Variants in NOCT observed in about 807,000 individuals in gnomAD.
NOCT encodes nocturnin, also known as CCR4 carbon catabolite repression 4-like.
Under a neutral mutation model 35.0 loss-of-function variants are expected in NOCT, and 18 were observed. That is an observed-to-expected ratio of 0.51 (90% CI 0.36 to 0.76). The LOEUF (loss-of-function observed/expected upper bound fraction) is 0.76. Among genes scored for constraint, NOCT ranks in the 30% least tolerant of loss-of-function variants. The pLI is 0.01. For missense variants in NOCT, 479 were observed against 541.0 expected, an observed-to-expected ratio of 0.89 and a Z score of 1.14; for synonymous variants, 235 against 226.3, an observed-to-expected ratio of 1.04 and a Z score of -0.34.
Position 139,045,443 on chromosome 4 carries a change from G to C in NOCT, c.1265G>C (p.Ser422Thr). 6.3e-7 allele frequency: 1 copy of C among 1,599,748 alleles called. No homozygotes were observed. The highest frequency in any genetic ancestry group is 8.5e-7 in the Non-Finnish European group (1 of 1,170,808). ...CACCTGTCTCTAGTGTGTGACTTCA[G>C]CTTTACTGAGGAATCTGATGGACTT... ...SDHLSLVCDF[S>T]FTEESDGLS The change falls in exon 3 of 3, where the codon AGC becomes ACC. Residue 422 changes from serine to threonine, a missense_variant. Physicochemically the swap from Ser to Thr is moderately conservative, Grantham distance 58. Around this residue, in one of 2 missense-constraint regions of NOCT, gnomAD observed 214 missense variants for 284.0 expected, o/e 0.75. Transcript: ENST00000280614.
At position 139,043,197 on chromosome 4, in the gene NOCT, T is replaced by C. The variant is rs1726868754; in HGVS notation, c.314T>C (p.Ile105Thr). 3.1e-6 allele frequency: 5 copies of C among 1,614,022 alleles called. No homozygotes were observed. The highest frequency in any genetic ancestry group is 2.7e-5 in the African/African-American group (2 of 74,908). Reference protein sequence around the residue: ...VSPDPEHLEPIDPKELLEECR... With the variant: ...VSPDPEHLEPTDPKELLEECR... ...CCTGACCCAGAGCATCTGGAGCCCA[T>C]TGATCCTAAAGAGCTTCTTGAGGAA... Residue 105 changes from isoleucine to threonine, a missense_variant, in exon 2 of 3, where the codon ATT becomes ACT. Physicochemically the swap from Ile to Thr is moderately conservative, Grantham distance 89. Transcript: ENST00000280614.
Position 139,045,111 on chromosome 4 carries a change from C to T in NOCT, c.933C>T (p.Ile311=), listed in dbSNP as rs1171954099. The change falls in exon 3 of 3, where the codon ATC becomes ATT. Residue 311 remains isoleucine, a synonymous_variant. Transcript: ENST00000280614. ...GCDLLQNLQN[I]TQGAKIPLIV... is the part of the protein sequence containing the mutation. ...ACCTCCTTCAGAACCTGCAAAACAT[C>T]ACCCAAGGAGCCAAGATTCCCCTTA... 6.2e-7 allele frequency: 1 copy of T among 1,614,178 alleles called. No individual in the cohort carries two copies.
At chr4:139,035,042 C>T (rs1659236651) in intron 1 of NOCT, among the ~76,000 whole-genome samples, 1 of 152,128 alleles carries the variant, frequency 6.6e-6, no homozygotes, top group Admixed American at 6.6e-5. Flanking sequence ...TTGTTGAACT[C>T]CTATTTTCTG....
chr4:139,021,302 C>T (rs925036261), intron 1 of NOCT, among the ~76,000 whole-genome samples: 2 of 151,906 alleles, frequency 1.3e-5, no homozygotes, highest in Non-Finnish European at 2.9e-5. Flanking sequence ...CACGCCCCGC[C>T]AAAAGCAGCT....
At chr4:139,037,028 T>C (rs529760458) in intron 1 of NOCT, among the ~76,000 whole-genome samples, 2 of 152,298 alleles carry the variant, frequency 1.3e-5, no homozygotes, top group East Asian at 3.9e-4. Flanking sequence ...TCATGCTCAT[T>C]ATGCAACAGA....
chr4:139,044,178 A>G (rs1726893025), intron 2 of NOCT, among the ~76,000 whole-genome samples: 1 of 151,508 alleles, frequency 6.6e-6, no homozygotes. Context: ...TGACTTACCA[A>G]TCTTTGATTC....
At chr4:139,034,465 T>C (rs1488838536) in intron 1 of NOCT, among the ~76,000 whole-genome samples, 1 of 152,144 alleles carries the variant, frequency 6.6e-6, no homozygotes, top group African/African-American at 2.4e-5. Flanking sequence ...CCTAGGTGGT[T>C]CTTAGTAAGC....
At chr4:139,036,023 A>G (rs1726730651) in intron 1 of NOCT, among the ~76,000 whole-genome samples, 2 of 152,114 alleles carry the variant, frequency 1.3e-5, no homozygotes, top group Admixed American at 1.3e-4. Flanking sequence ...CTCCCTGCCC[A>G]CAAGCATTCC....
chr4:139,039,539 TTTTGGGTC>T (rs1227320748), intron 1 of NOCT, among the ~76,000 whole-genome samples: 3 of 152,168 alleles, frequency 2.0e-5, no homozygotes, highest in Non-Finnish European at 4.4e-5. Flanking sequence ...ATTACTCATA[TTTTGGGTC>T]TTTGCTCATT....
chr4:139,016,476 G>A (rs1726305753), intron 1 of NOCT, among the ~76,000 whole-genome samples: 1 of 151,784 alleles, frequency 6.6e-6, no homozygotes, highest in Non-Finnish European at 1.5e-5. Context: ...CCCTTCCGAG[G>A]CCGCGAGTTA....
chr4:139,044,852 T>C lies in NOCT; in HGVS notation c.674T>C (p.Leu225Pro). The change falls in exon 3 of 3, where the codon CTA becomes CCA. Residue 225 changes from leucine (L) to proline (P), a missense_variant. By Grantham distance (98) the Leu-to-Pro change is moderately conservative (BLOSUM62 -3). This residue lies in a region of NOCT where 214 missense variants were observed against 284.0 expected (regional missense o/e 0.75). Transcript: ENST00000280614. Reference sequence around the variant, plus strand: ...TTCCCCAAACCCTGGTCACCTTGTCTAGATGTAGAACACAACAATGGACCA... The same window carrying C: ...TTCCCCAAACCCTGGTCACCTTGTCCAGATGTAGAACACAACAATGGACCA... ...TFFPKPWSPC[L>P]DVEHNNGPDG... is the part of the protein sequence containing the mutation. 1 of 1,614,196 alleles carries C rather than the reference T, an allele frequency of 6.2e-7. No homozygotes were observed.
chr4:139,020,070 A>G (rs961349168), intron 1 of NOCT, among the ~76,000 whole-genome samples: 1 of 152,196 alleles, frequency 6.6e-6, no homozygotes, highest in Non-Finnish European at 1.5e-5. Flanking sequence ...CTATGGAATA[A>G]ATTGCTTTCC....
chr4:139,020,943 G>A (rs1463067410), intron 1 of NOCT, among the ~76,000 whole-genome samples: 1 of 151,710 alleles, frequency 6.6e-6, no homozygotes, highest in Non-Finnish European at 1.5e-5. Flanking sequence ...GTGCACACCT[G>A]TACATCCCAG....
At chr4:139,016,630 C>A (rs1726309841) in intron 1 of NOCT, among the ~76,000 whole-genome samples, 1 of 111,600 alleles carries the variant, frequency 9.0e-6, no homozygotes, top group Non-Finnish European at 1.8e-5. Flanking sequence ...CACATTGATT[C>A]GTTTTACGTT....
intron 1 of NOCT, among the ~76,000 whole-genome samples, chr4:139,018,599 T>G (rs1726358849): frequency 6.6e-6 from 1 of 152,230 alleles, no homozygotes; most frequent in African/African-American, 2.4e-5. Flanking sequence ...ATGCCTGCAT[T>G]GATTCATTCA....
Position 139,016,173 on chromosome 4 carries a change from T to C in NOCT, c.190+2T>C. On this transcript the variant is annotated splice_donor_variant, in intron 1 of 2. Transcript: ENST00000280614. LOFTEE classifies it high-confidence loss of function. ...CCGCGAGGTCGTGTTCCCGAACAGG[T>C]GAGTGCACCCCAGTTCCGGGCGGAG... is the stretch of plus-strand genomic sequence containing the variant. 1 of 1,250,524 alleles carries C rather than the reference T, an allele frequency of 8.0e-7. No individual in the cohort carries two copies. Among genetic ancestry groups the C allele is most frequent in the South Asian group, 3.2e-5 (1 of 31,314 alleles). The allele number at this position is 1,250,524 out of a possible 1,614,324, so 77.5% of individuals were successfully genotyped here. A position where few individuals can be genotyped will look rare whatever the true frequency, so the allele number is the denominator to read the frequency against.
intron 1 of NOCT, among the ~76,000 whole-genome samples, chr4:139,040,499 G>A (rs1423281210): frequency 6.6e-6 from 1 of 152,034 alleles, no homozygotes; most frequent in Non-Finnish European, 1.5e-5. Flanking sequence ...AGGAAGTGTG[G>A]TTCAGGATTG....
intron 1 of NOCT, among the ~76,000 whole-genome samples, chr4:139,040,674 G>C (rs1005676131): frequency 2.6e-5 from 4 of 152,106 alleles, no homozygotes; most frequent in Non-Finnish European, 4.4e-5. Flanking sequence ...TATTGAAACT[G>C]AGCTCTACAT....
chr4:139,044,123 A>G (rs1414270506), intron 2 of NOCT, among the ~76,000 whole-genome samples: 2 of 127,004 alleles, frequency 1.6e-5, no homozygotes, highest in East Asian at 3.9e-4. Context: ...TAAGAAAAAC[A>G]AGGGCCTGAT....
Sources: gnomAD v4.1 joint callset for allele counts (sites outside exome capture counted in the v4.1 genomes callset) on GRCh38, gnomAD v4.1.1 for gene constraint, gnomAD v4.1.1 regional missense constraint, MANE v1.5 for transcripts, NCBI Gene and HGNC (gene_info 2026-07-23, HGNC 2026-07-21) for gene names.